TLE3: variants seen among roughly 807,000 people sequenced by gnomAD.
The protein encoded by TLE3 is transducin-like enhancer protein 3.
Under a neutral mutation model 93.0 loss-of-function variants are expected in TLE3, and 14 were observed. That is an observed-to-expected ratio of 0.15 (90% confidence interval 0.10 to 0.24). The LOEUF (loss-of-function observed/expected upper bound fraction) is 0.24, where lower values mean the gene tolerates loss of function less well. Among genes scored for constraint, TLE3 ranks in the 10% least tolerant of loss-of-function variants. The pLI, the probability that TLE3 is intolerant of heterozygous loss-of-function variation, is 1.00. For synonymous variants in TLE3, 451 were observed against 425.0 expected, an observed-to-expected ratio of 1.06 and a Z score of -0.75; for missense variants, 693 against 1,046.6, an observed-to-expected ratio of 0.66 and a Z score of 4.66.
chr15:70,065,958 T>A, intron 7 of TLE3, 56 bp downstream of exon 7: 1 of 1,483,954 alleles, frequency 6.7e-7, no homozygotes, highest in Admixed American at 1.8e-5. Context: ...GTGAGGCCTA[T>A]GAGCGCCCAT....
At position 70,058,945 on chromosome 15, in the gene TLE3, CA is replaced by C; in HGVS notation, c.766-131del. On this transcript the variant is annotated intron_variant, in intron 10 of 19. Coordinates refer to ENST00000451782, the MANE Select transcript of TLE3 (RefSeq NM_001105192.3). This position sits in a 1 kb window ranked among gnomAD's most constrained non-coding sequence, Gnocchi z 4.1. ...AGCTTGGCTGAAAGACTGGGGGCCC[CA>C]CAGTGAGGAAAAACTAGCTCTTAAC... 1 of 1,229,348 alleles carries C rather than the reference CA, an allele frequency of 8.1e-7. No homozygotes were observed. The highest frequency in any genetic ancestry group is 2.7e-5 in the East Asian group (1 of 37,126). 76.2% of individuals were successfully genotyped at this position (1,229,348 alleles called of 1,614,324 possible). A position where few individuals can be genotyped will look rare whatever the true frequency, so the allele number is the denominator to read the frequency against.
Position 70,055,316 on chromosome 15 carries a change from C to T in TLE3, c.1329-18G>A, listed in dbSNP as rs201864905. 2.6e-4 allele frequency: 400 copies of T among 1,548,018 alleles called. 1 individual carries two copies. The highest frequency in any genetic ancestry group is 1.7e-3 in the East Asian group (77 of 44,214). On this transcript the variant is annotated intron_variant, in intron 14 of 19. Transcript: ENST00000451782. Reference sequence around the variant, plus strand: ...AGTACGCTCTGAAAAGGTGAGAAACCGTCACTGCTGCCATCCACCCCGGCC... The same window carrying T: ...AGTACGCTCTGAAAAGGTGAGAAACTGTCACTGCTGCCATCCACCCCGGCC...
intron 6 of TLE3, among the ~76,000 whole-genome samples, chr15:70,067,117 A>G (rs1419055402): frequency 4.6e-5 from 7 of 152,128 alleles, no homozygotes; most frequent in Non-Finnish European, 7.3e-5. Flanking sequence ...ATCAACAACA[A>G]TGCAATTCTC....
intron 19 of TLE3, 35 bp from the exon 20 acceptor site, chr15:70,050,239 G>A (rs762193327): frequency 1.3e-6 from 2 of 1,527,564 alleles, no homozygotes; most frequent in East Asian, 4.5e-5. Flanking sequence ...CAGCAGGAAG[G>A]CGTGGGGTGC....
intron 15 of TLE3, 134 bp downstream of exon 15, chr15:70,054,915 G>C (rs1411983558): frequency 4.5e-6 from 6 of 1,337,716 alleles, no homozygotes; most frequent in Non-Finnish European, 6.0e-6. Flanking sequence ...GAGGCTCAGA[G>C]AGGTTAGTCA....
At chr15:70,090,198 G>A (rs959785372) in intron 4 of TLE3, among the ~76,000 whole-genome samples, 4 of 152,102 alleles carry the variant, frequency 2.6e-5, no homozygotes, top group South Asian at 2.1e-4. Context: ...AAAGCTGAGC[G>A]AGGCAGGCAC....
chr15:70,096,678 A>G, intron 1 of TLE3, 97 bp downstream of exon 1: 4 of 1,564,034 alleles, frequency 2.6e-6, no homozygotes, highest in South Asian at 1.2e-5. Flanking sequence ...CACACACACC[A>G]TAAAGGTAGC....
In TLE3 at chr15:70,092,362, T is replaced by C. The variant is rs75445740; in HGVS notation, c.234+2170A>G. On this transcript the variant is annotated intron_variant, in intron 4 of 19. Transcript: ENST00000451782. ...ATTTCACCCAACTCAGAGACTGCCA[T>C]AAGCTTGCAAAGCCACTGCATTCAG... Among the ~76,000 whole-genome samples the C allele has an allele frequency of 5.7e-3, 864 of 152,298 alleles. 8 individuals carry two copies. The highest frequency in any genetic ancestry group is 0.02 in the African/African-American group (828 of 41,554).
chr15:70,056,565 G>A (rs2141459262), intron 13 of TLE3, among the ~76,000 whole-genome samples, 191 bp from the exon 14 acceptor site: 1 of 152,268 alleles, frequency 6.6e-6, no homozygotes, highest in Non-Finnish European at 1.5e-5. Flanking sequence ...GGCAGGGAAG[G>A]GGTGACAGTG....
chr15:70,096,755 A>C lies in TLE3; in HGVS notation c.24+20T>G. ...CCTGCCATGATAGATGCTTAAATAA[A>C]CCGAGTTGCAATTACTCACCGGATG... On this transcript the variant is annotated intron_variant, in intron 1 of 19. Coordinates refer to ENST00000451782, the MANE Select transcript of TLE3 (RefSeq NM_001105192.3). 6.2e-7 allele frequency: 1 copy of C among 1,612,926 alleles called. No homozygotes were observed. The highest frequency in any genetic ancestry group is 8.5e-7 in the Non-Finnish European group (1 of 1,179,532).
chr15:70,054,373 G>T, intron 16 of TLE3, 65 bp downstream of exon 16: 1 of 1,562,514 alleles, frequency 6.4e-7, no homozygotes, highest in South Asian at 1.2e-5. Flanking sequence ...CAGCAAACAA[G>T]ACCAGGCAGG....
At chr15:70,092,561 T>A (rs1447022903) in intron 4 of TLE3, among the ~76,000 whole-genome samples, 1 of 152,130 alleles carries the variant, frequency 6.6e-6, no homozygotes, top group African/African-American at 2.4e-5. Flanking sequence ...AATGCCTCTA[T>A]CCACCACTGG....
Position 70,096,786 on chromosome 15 carries a change from C to T in TLE3, c.13G>A (p.Gly5Ser). 6.2e-7 allele frequency: 1 copy of T among 1,613,412 alleles called. No homozygotes were observed. Among genetic ancestry groups the T allele is most frequent in the African/African-American group, 1.3e-5 (1 of 75,042 alleles). The change falls in exon 1 of 20, where the codon GGC becomes AGC. Residue 5 changes from glycine to serine, a missense_variant. Coordinates refer to ENST00000451782, the MANE Select transcript of TLE3 (RefSeq NM_001105192.3). ...TTGCAATTACTCACCGGATGTCTGC[C>T]CTGCGGATACATGGCAGGGAGGGGT... MYPQ[G>S]RHPAPHQPGQ...
At chr15:70,076,600 T>C (rs113406467) in intron 4 of TLE3, among the ~76,000 whole-genome samples, 2 of 152,322 alleles carry the variant, frequency 1.3e-5, no homozygotes, top group South Asian at 4.1e-4. Flanking sequence ...TAAATGGGAC[T>C]AAGCTGATAA....
chr15:70,058,103 G>A lies in TLE3; in HGVS notation c.1051+56C>T, dbSNP rs1595880683. On this transcript the variant is annotated intron_variant, in intron 12 of 19. Coordinates refer to ENST00000451782, the MANE Select transcript of TLE3 (RefSeq NM_001105192.3). This position sits in a 1 kb window ranked among gnomAD's most constrained non-coding sequence, Gnocchi z 4.1. Reference sequence around the variant, plus strand: ...TGTGTCACCCCTGCCCTGGCCAAGAGCAGACCCCCTCCCCCCAATCAGATT... The same window carrying A: ...TGTGTCACCCCTGCCCTGGCCAAGAACAGACCCCCTCCCCCCAATCAGATT... 3 of 1,612,244 alleles carry A rather than the reference G, an allele frequency of 1.9e-6. No individual in the cohort carries two copies. The highest frequency in any genetic ancestry group is 1.3e-5 in the African/African-American group (1 of 75,006).
intron 4 of TLE3, among the ~76,000 whole-genome samples, chr15:70,082,811 A>C (rs984451840): frequency 6.6e-6 from 1 of 152,212 alleles, no homozygotes; most frequent in African/African-American, 2.4e-5. Flanking sequence ...GTGAGGAGCC[A>C]GGGCAGGGAG....
At chr15:70,068,134 C>T (rs1481254856) in intron 6 of TLE3, among the ~76,000 whole-genome samples, 1 of 152,210 alleles carries the variant, frequency 6.6e-6, no homozygotes, top group Non-Finnish European at 1.5e-5. Flanking sequence ...AAAACTAATA[C>T]ATGCCCATTT....
chr15:70,096,592 C>T lies in TLE3; in HGVS notation c.24+183G>A. On this transcript the variant is annotated intron_variant, in intron 1 of 19. Transcript: ENST00000451782. The stretch of plus-strand genomic sequence containing the variant: ...GGAACACAAGCAGCCCCCCGCGCCA[C>T]TCGCGCGGAATTAACCTCCTCTCTC... The T allele has an allele frequency of 3.3e-6, 5 of 1,528,096 alleles. No individual in the cohort carries two copies. The South Asian group carries it at 3.6e-5, about 11-fold the overall frequency. The allele number at this position is 1,528,096 out of a possible 1,614,324, so 94.7% of individuals were successfully genotyped here.
At chr15:70,054,868 G>T in intron 15 of TLE3, 181 bp downstream of exon 15, 1 of 1,215,374 alleles carries the variant, frequency 8.2e-7, no homozygotes, top group Non-Finnish European at 1.1e-6. Flanking sequence ...TGAATACCAG[G>T]AGGTCAGAAT....
Sources: allele counts gnomAD v4.1 joint callset (sites outside exome capture counted in the v4.1 genomes callset), GRCh38; gene constraint gnomAD v4.1.1; non-coding constraint Gnocchi (gnomAD v3.1); transcripts MANE v1.5; gene names NCBI Gene and HGNC (gene_info 2026-07-23, HGNC 2026-07-21).